The following SMAP1 variants were observed in gnomAD, a reference collection of about 807,000 sequenced individuals.
The protein encoded by SMAP1 is small ArfGAP 1, also known as stromal membrane-associated protein 1.
Under a neutral mutation model 58.5 loss-of-function variants are expected in SMAP1, and 24 were observed. The ratio of observed to expected loss-of-function variants is 0.41; its 90% confidence interval spans 0.30 to 0.58. The LOEUF (loss-of-function observed/expected upper bound fraction) is 0.58. Ranked by LOEUF, SMAP1 falls within the 20% of genes least tolerant of loss-of-function variation. The pLI is 0.29. For synonymous variants in SMAP1, 216 were observed against 196.6 expected (o/e 1.10, Z -0.82); for missense variants, 563 against 566.3 (o/e 0.99, Z 0.06).
chr6:70,733,889 A>G (rs1765522919), intron 2 of SMAP1, among the ~76,000 whole-genome samples: 1 of 152,200 alleles, frequency 6.6e-6, no homozygotes, highest in South Asian at 2.1e-4. Flanking sequence ...GGAAATGAAT[A>G]GCAAATTATT....
intron 2 of SMAP1, among the ~76,000 whole-genome samples, chr6:70,744,570 C>T (rs898580555): frequency 2.0e-5 from 3 of 152,188 alleles, no homozygotes; most frequent in Admixed American, 1.3e-4. Flanking sequence ...TCCAGTCTAT[C>T]ATTGATGGAC....
At chr6:70,811,804 A>G (rs142292389) in intron 6 of SMAP1, among the ~76,000 whole-genome samples, 1 of 152,164 alleles carries the variant, frequency 6.6e-6, no homozygotes, top group African/African-American at 2.4e-5. Context: ...TGTGAAACTC[A>G]TGGAAATGGA....
intron 5 of SMAP1, among the ~76,000 whole-genome samples, chr6:70,795,992 G>A (rs1000776225): frequency 1.3e-5 from 2 of 152,058 alleles, no homozygotes; most frequent in Non-Finnish European, 2.9e-5. Flanking sequence ...GCCTCCCGAA[G>A]TGCTGGGATT....
chr6:70,771,257 GGGAGCACCACT>G (rs1482572299), intron 3 of SMAP1, among the ~76,000 whole-genome samples: 1 of 152,222 alleles, frequency 6.6e-6, no homozygotes, highest in Non-Finnish European at 1.5e-5. Context: ...GCTGTGTGCT[GGGAGCACCACT>G]GTTCTCTTCA....
chr6:70,761,828 T>C (rs1490367968), intron 3 of SMAP1, among the ~76,000 whole-genome samples: 1 of 152,110 alleles, frequency 6.6e-6, no homozygotes, highest in East Asian at 1.9e-4. Context: ...CACCAAAGTA[T>C]ATAAAAATAA....
At chr6:70,671,573 G>A (rs1477289503) in intron 1 of SMAP1, among the ~76,000 whole-genome samples, 1 of 152,134 alleles carries the variant, frequency 6.6e-6, no homozygotes, top group South Asian at 2.1e-4. Flanking sequence ...ACAAGACTCC[G>A]TCTCAGGGAA....
chr6:70,669,462 A>G (rs941905399), intron 1 of SMAP1, among the ~76,000 whole-genome samples: 2 of 152,248 alleles, frequency 1.3e-5, no homozygotes, highest in African/African-American at 4.8e-5. Context: ...GCACTTTTCA[A>G]TATAGTAACT....
Position 70,795,399 on chromosome 6 carries a change from C to T in SMAP1, c.496-3258C>T, listed in dbSNP as rs555488737. On this transcript the variant is annotated intron_variant, in intron 5 of 10. Coordinates refer to ENST00000370455, the MANE Select transcript of SMAP1 (RefSeq NM_001044305.3). Reference sequence around the variant, plus strand: ...CAACAAAAATTTACTTCTCACAGTTCTGGAGGCTGGAAAGACAAAGATCAA... The same window carrying T: ...CAACAAAAATTTACTTCTCACAGTTTTGGAGGCTGGAAAGACAAAGATCAA... Among the ~76,000 whole-genome samples, 5 of 152,300 alleles carry T rather than the reference C, an allele frequency of 3.3e-5. No homozygotes were observed. In the East Asian group the frequency reaches 7.7e-4, roughly 24 times the overall value.
chr6:70,682,622 T>A (rs1766764835), intron 1 of SMAP1, among the ~76,000 whole-genome samples: 1 of 152,216 alleles, frequency 6.6e-6, no homozygotes, highest in Non-Finnish European at 1.5e-5. Context: ...AAGCTTTGTG[T>A]GCGCACTTTT....
At chr6:70,736,494 C>T (rs1443325384) in intron 2 of SMAP1, among the ~76,000 whole-genome samples, 1 of 151,712 alleles carries the variant, frequency 6.6e-6, no homozygotes, top group Non-Finnish European at 1.5e-5. Context: ...CTGTATATGC[C>T]ATATGGATAC....
intron 6 of SMAP1, among the ~76,000 whole-genome samples, chr6:70,813,308 G>A (rs1207422855): frequency 6.6e-6 from 1 of 151,930 alleles, no homozygotes; most frequent in Non-Finnish European, 1.5e-5. Flanking sequence ...TAATAAATGG[G>A]AATAAGGATA....
chr6:70,729,187 C>T (rs886564661), intron 1 of SMAP1, among the ~76,000 whole-genome samples: 2 of 152,088 alleles, frequency 1.3e-5, no homozygotes, highest in Admixed American at 6.6e-5. Context: ...TGCCTGTAAT[C>T]CCAGCACTTT....
rs548880267 is a variant in SMAP1, at chr6:70,688,729, G to A, written c.118+20588G>A. ...TGCAAATACTTTTTCCTACTTTGTA[G>A]CTTAACTTTACATCCTCTTCACATG... On this transcript the variant is annotated intron_variant, in intron 1 of 10. Transcript: ENST00000370455. Among the ~76,000 whole-genome samples, 18 of 152,250 alleles carry A rather than the reference G, an allele frequency of 1.2e-4. No homozygotes were observed. In the South Asian group the frequency reaches 3.5e-3, roughly 30 times the overall value.
At position 70,861,523 on chromosome 6, in the gene SMAP1, A is replaced by T; in HGVS notation, c.*1189A>T. 1.4e-6 allele frequency: 1 copy of T among 690,384 alleles called. No individual in the cohort carries two copies. The highest frequency in any genetic ancestry group is 2.8e-5 in the Admixed American group (1 of 35,114). The allele number at this position is 690,384 out of a possible 1,614,324, so 42.8% of individuals were successfully genotyped here. A position where few individuals can be genotyped will look rare whatever the true frequency, so the allele number is the denominator to read the frequency against. On this transcript the variant is annotated 3_prime_UTR_variant, in exon 11 of 11. Transcript: ENST00000370455. ...GTTAACTGACAAGCTCCATTTAAAC[A>T]GATGTCCATCAGATGACAAGAAAGG...
chr6:70,672,685 G>C (rs76119762), intron 1 of SMAP1, among the ~76,000 whole-genome samples: 4,510 of 152,202 alleles, frequency 0.03, 135 homozygotes, highest in South Asian at 0.11. Flanking sequence ...ATGAATGAAT[G>C]TGTGAATGAA....
In SMAP1 at chr6:70,860,310, T is replaced by A. The variant is rs140737850; in HGVS notation, c.1380T>A (p.Thr460=). ...GGTCTGGAAGCTCATCAGGTCAGAC[T>A]CTCAGCACACAACTGTGGAAATGAA... is the stretch of plus-strand genomic sequence containing the variant. ...AGWSGSSSGQ[T]LSTQLWK Residue 460 remains threonine, a synonymous_variant, in exon 11 of 11, where the codon ACT becomes ACA. Transcript: ENST00000370455. 136 of 1,612,734 alleles carry A rather than the reference T, an allele frequency of 8.4e-5. No homozygotes were observed. The African/African-American group carries it at 1.6e-3, about 19-fold the overall frequency.
chr6:70,769,345 G>A (rs1018887487), intron 3 of SMAP1, among the ~76,000 whole-genome samples: 3 of 152,192 alleles, frequency 2.0e-5, no homozygotes, highest in African/African-American at 7.2e-5. Context: ...AATGTTGACA[G>A]TGGGGTGTTA....
rs1360076096 is a variant in SMAP1 at position 70,857,040 on chromosome 6, T to G, written c.961+10T>G. ...CAGCAAAGTACTCCTGGTAATGAAT[T>G]TTGATATCTGCTTTCAGTGACATTA... On this transcript the variant is annotated intron_variant, in intron 9 of 10. Coordinates refer to ENST00000370455, the MANE Select transcript of SMAP1 (RefSeq NM_001044305.3). The G allele has an allele frequency of 6.3e-7, 1 of 1,592,558 alleles. No homozygotes were observed. Among genetic ancestry groups the G allele is most frequent in the East Asian group, 2.2e-5 (1 of 44,610 alleles).
At chr6:70,776,407 T>C (rs776933378) in intron 4 of SMAP1, among the ~76,000 whole-genome samples, 37 of 152,204 alleles carry the variant, frequency 2.4e-4, no homozygotes, top group Admixed American at 3.3e-4. Flanking sequence ...TCTCGATCTC[T>C]TGACCTCGTG....
Sources: allele counts gnomAD v4.1 joint callset (sites outside exome capture counted in the v4.1 genomes callset), GRCh38; gene constraint gnomAD v4.1.1; transcripts MANE v1.5; gene names NCBI Gene and HGNC (gene_info 2026-07-23, HGNC 2026-07-21).